DNAAF1: variants seen among roughly 807,000 people sequenced by gnomAD.
The protein encoded by DNAAF1 is dynein assembly factor 1, axonemal.
Under a neutral mutation model 71.1 loss-of-function variants are expected in DNAAF1, and 65 were observed. The ratio of observed to expected loss-of-function variants is 0.91; its 90% CI spans 0.75 to 1.12. DNAAF1 has a LOEUF of 1.12. Among genes scored for constraint, DNAAF1 ranks in the 50% most tolerant of loss-of-function variants. The pLI is 0.00. For synonymous variants in DNAAF1, 414 were observed against 354.6 expected (o/e 1.17, Z -1.88); for missense variants, 1,178 against 899.8 (o/e 1.31, Z -3.96).
At chr16:84,172,124 A>G in intron 8 of DNAAF1, 136 bp from the exon 9 acceptor site, 1 of 801,262 alleles carries the variant, frequency 1.2e-6, no homozygotes, top group Non-Finnish European at 2.1e-6. Context: ...TGATCCGCCC[A>G]CCTTGGCCCC....
In DNAAF1 at chr16:84,155,659, A is replaced by G. The variant is rs2081725609; in HGVS notation, c.651A>G (p.Gln217=). The G allele has an allele frequency of 6.2e-7, 1 of 1,614,154 alleles. No individual in the cohort carries two copies. The highest frequency in any genetic ancestry group is 8.5e-7 in the Non-Finnish European group (1 of 1,180,032). ...CCGTGGAGGACATTCAGCATCTACA[A>G]GAGTGTTTGAGGCTTTGTGTCCTTG... The part of the protein sequence containing the change: ...LETVEDIQHL[Q]ECLRLCVLDL... The change falls in exon 5 of 12, where the codon CAA becomes CAG. Residue 217 remains glutamine (Q), a synonymous_variant. Coordinates refer to ENST00000378553, the MANE Select transcript of DNAAF1 (RefSeq NM_178452.6).
At chr16:84,148,791 T>C (rs898659095) in intron 1 of DNAAF1, among the ~76,000 whole-genome samples, 1 of 151,142 alleles carries the variant, frequency 6.6e-6, no homozygotes, top group African/African-American at 2.4e-5. Context: ...GGTTTTGTCA[T>C]GTTGCTCAGG....
chr16:84,172,157 A>G lies in DNAAF1; in HGVS notation c.1529-103A>G, dbSNP rs377606000. 3.3e-3 allele frequency: 3,557 copies of G among 1,088,944 alleles called. 101 individuals are homozygous for G. In the South Asian group the frequency reaches 0.041, roughly 12 times the overall value. The allele number at this position is 1,088,944 out of a possible 1,614,324, so 67.5% of individuals were successfully genotyped here. On this transcript the variant is annotated intron_variant, in intron 8 of 11. Transcript: ENST00000378553. The stretch of plus-strand genomic sequence containing the variant: ...CCCCCAAAGTGTTGGGATTACAGGC[A>G]TGAGCCACCGAGCCCGGCCCTTGGG...
intron 11 of DNAAF1, 47 bp from the exon 12 acceptor site, chr16:84,177,682 C>A: frequency 6.6e-7 from 1 of 1,509,130 alleles, no homozygotes; most frequent in Non-Finnish European, 9.2e-7. Context: ...CCTGTCCTTG[C>A]AGTCACAGTG....
Position 84,173,099 on chromosome 16 carries a change from T to C in DNAAF1, c.1644+724T>C, listed in dbSNP as rs770436711. The C allele has an allele frequency of 5.4e-4, 534 of 986,148 alleles. 1 individual carries two copies. The highest frequency in any genetic ancestry group is 6.3e-4 in the Non-Finnish European group (520 of 830,580). 61.1% of individuals were successfully genotyped at this position (986,148 alleles called of 1,614,324 possible). A position where few individuals can be genotyped will look rare whatever the true frequency, so the allele number is the denominator to read the frequency against. On this transcript the variant is annotated intron_variant, in intron 9 of 11. Transcript: ENST00000378553. ...TTGGAGAGGTGGTCCCCTGCCCACT[T>C]CCTTGTTAAACTTCTTCTAAACTGG...
At chr16:84,163,859 CTT>C (rs139966225) in intron 6 of DNAAF1, among the ~76,000 whole-genome samples, 11,535 of 144,228 alleles carry the variant, frequency 0.08, 480 homozygotes, top group South Asian at 0.19. Flanking sequence ...AATTAATAGA[CTT>C]TTTTTTTTTT....
At chr16:84,159,368 A>G (rs2087594003) in intron 5 of DNAAF1, among the ~76,000 whole-genome samples, 1 of 152,218 alleles carries the variant, frequency 6.6e-6, no homozygotes, top group African/African-American at 2.4e-5. Context: ...AGCAAAACTA[A>G]TATAATCAAC....
At chr16:84,175,146 G>C (rs139875030) in intron 10 of DNAAF1, 1 of 246,732 alleles carries the variant, frequency 4.1e-6, no homozygotes, top group African/African-American at 2.2e-5. Flanking sequence ...GTGAGCCACC[G>C]CACCCAGCCC....
intron 1 of DNAAF1, among the ~76,000 whole-genome samples, chr16:84,146,515 G>A (rs1340198773): frequency 3.9e-5 from 6 of 152,130 alleles, no homozygotes; most frequent in Non-Finnish European, 7.4e-5. Flanking sequence ...TCAGGAGTTC[G>A]AGACCAGTCT....
chr16:84,151,776 A>G (rs539237112), intron 3 of DNAAF1, among the ~76,000 whole-genome samples: 115 of 152,314 alleles, frequency 7.6e-4, no homozygotes, highest in Non-Finnish European at 1.4e-3. Context: ...GACGAGGGCT[A>G]GAGAATCCAC....
chr16:84,149,190 A>G, intron 2 of DNAAF1, 48 bp downstream of exon 2: 2 of 1,610,672 alleles, frequency 1.2e-6, no homozygotes, highest in South Asian at 2.2e-5. Context: ...AGTAAGGTAG[A>G]TGGCGTAATC....
intron 3 of DNAAF1, among the ~76,000 whole-genome samples, chr16:84,151,065 G>A (rs1399688373): frequency 2.0e-5 from 3 of 152,180 alleles, no homozygotes; most frequent in Admixed American, 1.3e-4. Flanking sequence ...AGGAGCCAGG[G>A]TTGGAGGCCA....
chr16:84,170,405 C>A, intron 8 of DNAAF1, 49 bp downstream of exon 8: 2 of 1,611,934 alleles, frequency 1.2e-6, no homozygotes, highest in Non-Finnish European at 8.5e-7. Context: ...TCTCAGGGAG[C>A]CCCAGCCTTC....
chr16:84,165,751 C>T (rs2087940537), intron 6 of DNAAF1, 32 bp from the exon 7 acceptor site: 2 of 1,599,346 alleles, frequency 1.3e-6, no homozygotes, highest in Admixed American at 1.7e-5. Flanking sequence ...GAGTTCACCT[C>T]CCCTATTTAT....
Position 84,149,134 on chromosome 16 carries a change from G to C in DNAAF1, c.252G>C (p.Arg84=). The C allele has an allele frequency of 6.2e-7, 1 of 1,613,984 alleles. No homozygotes were observed. The highest frequency in any genetic ancestry group is 8.5e-7 in the Non-Finnish European group (1 of 1,180,000). ...FAHPREDRED[R]GPRMTKSSLQ... ...ACCCAAGAGAAGACAGGGAAGATCG[G>C]GGCCCCAGGTATGTGGGCATACTCC... The change falls in exon 2 of 12, where the codon CGG becomes CGC. Residue 84 remains arginine (R), a synonymous_variant. Coordinates refer to ENST00000378553, the MANE Select transcript of DNAAF1 (RefSeq NM_178452.6).
chr16:84,169,347 A>C (rs2088199707), intron 7 of DNAAF1, among the ~76,000 whole-genome samples: 1 of 151,988 alleles, frequency 6.6e-6, no homozygotes, highest in Non-Finnish European at 1.5e-5. Context: ...GGGCCTCCCA[A>C]AATGCTGGGA....
intron 5 of DNAAF1, chr16:84,159,124 C>T (rs934422930): frequency 2.2e-5 from 22 of 991,916 alleles, no homozygotes; most frequent in Admixed American, 1.1e-4. Flanking sequence ...GATTGCCGAG[C>T]CCCTTCCTCC....
In DNAAF1 at chr16:84,145,399, G is replaced by GC. The variant is rs1567529099; in HGVS notation, c.-36dup. ...GTAGCGACGTCCGCCGCGAACCTGG[G>GC]CCCCCCAAAGCTGCGGGGCGTTCGG... On this transcript the variant is annotated 5_prime_UTR_variant, in exon 1 of 12. Coordinates refer to ENST00000378553, the MANE Select transcript of DNAAF1 (RefSeq NM_178452.6). 23 of 1,566,650 alleles carry GC rather than the reference G, an allele frequency of 1.5e-5. No homozygotes were observed. The highest frequency in any genetic ancestry group is 1.6e-5 in the Non-Finnish European group (19 of 1,156,106).
chr16:84,161,328 G>A (rs1485050228), intron 6 of DNAAF1, among the ~76,000 whole-genome samples: 1 of 152,150 alleles, frequency 6.6e-6, no homozygotes, highest in East Asian at 1.9e-4. Context: ...GTTAGCAATA[G>A]GAGCCACCGC....
Sources: allele counts gnomAD v4.1 joint callset (sites outside exome capture counted in the v4.1 genomes callset), GRCh38; gene constraint gnomAD v4.1.1; transcripts MANE v1.5; gene names NCBI Gene and HGNC (gene_info 2026-07-23, HGNC 2026-07-21).